The following PTPRD variants were observed in gnomAD, a reference collection of about 807,000 sequenced individuals.
The protein encoded by PTPRD is protein tyrosine phosphatase receptor type D.
Under a neutral mutation model 214.5 loss-of-function variants are expected in PTPRD, and 34 were observed. The observed-to-expected ratio is 0.16, with a 90% CI of 0.12 to 0.21. The LOEUF (loss-of-function observed/expected upper bound fraction) is 0.21, where lower values mean the gene tolerates loss of function less well. Ranked by LOEUF, PTPRD falls within the 10% of genes least tolerant of loss-of-function variation. The probability of loss-of-function intolerance (pLI) is 1.00; values close to 1 mark genes in which losing one functional copy is unlikely to be tolerated. For synonymous variants in PTPRD, 1,128 were observed against 845.7 expected (o/e 1.33, Z -5.79); for missense variants, 2,545 against 2,398.7 (o/e 1.06, Z -1.27).
At chr9:9,162,362 T>G (rs1012753961) in intron 10 of PTPRD, among the ~76,000 whole-genome samples, 2 of 152,090 alleles carry the variant, frequency 1.3e-5, no homozygotes, top group Non-Finnish European at 2.9e-5. Flanking sequence ...CTAACTCTTC[T>G]CAAATCTTCA....
intron 43 of PTPRD, among the ~76,000 whole-genome samples, chr9:8,337,190 A>C (rs1847794033): frequency 6.6e-6 from 1 of 152,246 alleles, no homozygotes; most frequent in African/African-American, 2.4e-5. Context: ...AAAGACTTGT[A>C]ACCAACCCAA....
chr9:9,142,098 G>A (rs532588004), intron 10 of PTPRD, among the ~76,000 whole-genome samples: 1 of 152,254 alleles, frequency 6.6e-6, no homozygotes, highest in Admixed American at 6.5e-5. Flanking sequence ...CCTTGTGCTT[G>A]TAGGGACCAT....
At chr9:10,593,244 AGTCTGGGGTCAG>A (rs1005913383) in intron 2 of PTPRD, among the ~76,000 whole-genome samples, 1 of 152,008 alleles carries the variant, frequency 6.6e-6, no homozygotes, top group Non-Finnish European at 1.5e-5. Flanking sequence ...TAATTCAAAC[AGTCTGGGGTCAG>A]GCCTGAGCTT....
chr9:10,516,638 A>G (rs1453448260), intron 2 of PTPRD, among the ~76,000 whole-genome samples: 1 of 152,080 alleles, frequency 6.6e-6, no homozygotes, highest in East Asian at 1.9e-4. Flanking sequence ...TATCCATGAA[A>G]TCACTGACAA....
intron 11 of PTPRD, among the ~76,000 whole-genome samples, chr9:8,980,654 A>G (rs532737737): frequency 1.3e-5 from 2 of 152,240 alleles, no homozygotes; most frequent in Non-Finnish European, 2.9e-5. Flanking sequence ...GAATTTTTCC[A>G]TTAGAGAAAT....
At chr9:8,627,995 C>G (rs1329002913) in intron 14 of PTPRD, among the ~76,000 whole-genome samples, 1 of 151,864 alleles carries the variant, frequency 6.6e-6, no homozygotes, top group Non-Finnish European at 1.5e-5. Context: ...TTTTATAAGC[C>G]TTTTCAAGTA....
At chr9:10,098,117 G>A (rs2098511389) in intron 3 of PTPRD, among the ~76,000 whole-genome samples, 1 of 151,742 alleles carries the variant, frequency 6.6e-6, no homozygotes, top group Non-Finnish European at 1.5e-5. Flanking sequence ...TGATAGACTG[G>A]ATTAAGAAAA....
intron 9 of PTPRD, among the ~76,000 whole-genome samples, chr9:9,379,217 T>C (rs1468395723): frequency 1.4e-5 from 2 of 147,832 alleles, no homozygotes; most frequent in Non-Finnish European, 3.0e-5. Context: ...ATATGATATA[T>C]ATTTGATATA....
intron 14 of PTPRD, among the ~76,000 whole-genome samples, chr9:8,602,870 G>C (rs889723783): frequency 6.6e-6 from 1 of 152,062 alleles, no homozygotes; most frequent in African/African-American, 2.4e-5. Flanking sequence ...CCATCTCTAT[G>C]CACCTGCATA....
intron 32 of PTPRD, among the ~76,000 whole-genome samples, chr9:8,462,148 T>A (rs542419492): frequency 6.6e-6 from 1 of 152,114 alleles, no homozygotes; most frequent in African/African-American, 2.4e-5. Context: ...ATGTTCAAAT[T>A]AGTATGAGTT....
At chr9:10,482,319 C>T (rs1012749002) in intron 2 of PTPRD, among the ~76,000 whole-genome samples, 9 of 151,888 alleles carry the variant, frequency 5.9e-5, no homozygotes, top group South Asian at 4.2e-4. Context: ...TACAGTGAGC[C>T]GAGATGGCGC....
At chr9:9,675,585 C>T (rs959178187) in intron 7 of PTPRD, among the ~76,000 whole-genome samples, 1 of 151,652 alleles carries the variant, frequency 6.6e-6, no homozygotes, top group Non-Finnish European at 1.5e-5. Flanking sequence ...ATTAAAATAA[C>T]ATTTTAAAGC....
chr9:9,179,717 C>T (rs1263689021), intron 10 of PTPRD, among the ~76,000 whole-genome samples: 1 of 151,952 alleles, frequency 6.6e-6, no homozygotes, highest in Non-Finnish European at 1.5e-5. Context: ...GATTCTTTTG[C>T]CATCTAGTTA....
chr9:9,201,429 T>C (rs1021635139), intron 9 of PTPRD, among the ~76,000 whole-genome samples: 4 of 152,190 alleles, frequency 2.6e-5, no homozygotes, highest in Non-Finnish European at 4.4e-5. Flanking sequence ...ATAATTCTGT[T>C]GATACCAAGT....
chr9:9,835,553 T>A (rs2056507069), intron 5 of PTPRD, among the ~76,000 whole-genome samples: 1 of 152,116 alleles, frequency 6.6e-6, no homozygotes, highest in East Asian at 1.9e-4. Flanking sequence ...CAAATGGGGT[T>A]TGAAACAAAT....
chr9:8,326,682 G>T (rs905028728), intron 44 of PTPRD, among the ~76,000 whole-genome samples: 41 of 151,150 alleles, frequency 2.7e-4, no homozygotes, highest in African/African-American at 9.8e-4. Flanking sequence ...GAATTCGTCT[G>T]GTCCTGGACT....
At position 10,554,822 on chromosome 9, in the gene PTPRD, G is replaced by A. The variant is rs572749239; in HGVS notation, c.-600+57576C>T. Among the ~76,000 whole-genome samples, 30 of 151,798 alleles carry A rather than the reference G, an allele frequency of 2.0e-4. 1 individual carries two copies. The highest frequency in any genetic ancestry group is 4.1e-4 in the South Asian group (2 of 4,822). On this transcript the variant is annotated intron_variant, in intron 2 of 45. Coordinates refer to ENST00000381196, the MANE Select transcript of PTPRD (RefSeq NM_002839.4). ...ACTACAGGCGCCCGCCACCACGCCC[G>A]GCTAATTTTTTGTATTTTTAGTAGA...
intron 2 of PTPRD, among the ~76,000 whole-genome samples, chr9:10,585,216 CTTTAA>C (rs529501628): frequency 3.8e-4 from 57 of 151,992 alleles, no homozygotes; most frequent in Non-Finnish European, 5.0e-4. Context: ...ATTATTAATA[CTTTAA>C]TTTAATCTTA....
intron 7 of PTPRD, among the ~76,000 whole-genome samples, chr9:9,706,321 C>G (rs185434223): frequency 6.6e-6 from 1 of 152,216 alleles, no homozygotes; most frequent in African/African-American, 2.4e-5. Flanking sequence ...AAGTTTCATA[C>G]GTACATTGAT....
Sources: allele counts gnomAD v4.1 joint callset (sites outside exome capture counted in the v4.1 genomes callset), GRCh38; gene constraint gnomAD v4.1.1; transcripts MANE v1.5; gene names NCBI Gene and HGNC (gene_info 2026-07-23, HGNC 2026-07-21).